AGPAT3: variants seen among roughly 807,000 people sequenced by gnomAD.
AGPAT3 encodes the protein 1-acylglycerol-3-phosphate O-acyltransferase 3.
Under a neutral mutation model 47.3 loss-of-function variants are expected in AGPAT3, and 5 were observed. That is an observed-to-expected ratio of 0.11 (90% CI 0.06 to 0.22). AGPAT3 has a LOEUF of 0.22. Ranked by LOEUF, AGPAT3 falls within the 10% of genes least tolerant of loss-of-function variation. The pLI is 1.00. For missense variants in AGPAT3, 315 were observed against 493.0 expected (o/e 0.64, Z 3.42); for synonymous variants, 212 against 208.3 (o/e 1.02, Z -0.15).
At chr21:43,868,809 C>G (rs2085562628) in intron 1 of AGPAT3, among the ~76,000 whole-genome samples, 1 of 152,322 alleles carries the variant, frequency 6.6e-6, no homozygotes, top group African/African-American at 2.4e-5. Context: ...CTCTACATCC[C>G]TGTAAGGAGA....
At chr21:43,907,001 G>A (rs2086514022) in intron 2 of AGPAT3, among the ~76,000 whole-genome samples, 1 of 152,088 alleles carries the variant, frequency 6.6e-6, no homozygotes, top group Non-Finnish European at 1.5e-5. Context: ...GGGCTTCAGG[G>A]GCTGGCGAGG....
rs1049886622 is a variant in AGPAT3 at position 43,934,093 on chromosome 21, TTGG to T, written c.-48-25540_-48-25538del. 6.6e-6 allele frequency among the ~76,000 whole-genome samples: 1 copy of T among 152,176 alleles called. No homozygotes were observed. The highest frequency in any genetic ancestry group is 1.5e-5 in the Non-Finnish European group (1 of 68,018). The stretch of plus-strand genomic sequence containing the variant: ...CCCTACATTGCTCATCCTTGGTAGT[TTGG>T]GTGATGAGGTTTTGAGACCTGGATG... On this transcript the variant is annotated intron_variant, in intron 2 of 9. Coordinates refer to ENST00000291572, the MANE Select transcript of AGPAT3 (RefSeq NM_020132.5). The surrounding 1 kb of genome is among the most constrained non-coding windows in gnomAD (Gnocchi z 4.7).
chr21:43,915,019 C>T (rs1383009616), intron 2 of AGPAT3, among the ~76,000 whole-genome samples: 1 of 152,048 alleles, frequency 6.6e-6, no homozygotes, highest in Non-Finnish European at 1.5e-5. Context: ...GCAATTATTT[C>T]TGTGAGTTTT....
chr21:43,978,028 A>G lies in AGPAT3; in HGVS notation c.768-18A>G, dbSNP rs554919809. On this transcript the variant is annotated intron_variant, in intron 7 of 9. Coordinates refer to ENST00000291572, the MANE Select transcript of AGPAT3 (RefSeq NM_020132.5). The stretch of plus-strand genomic sequence containing the variant: ...CATGTGGTGATTCACCCTACCTTGA[A>G]TCTTCTTCATAAAACAGGAGATTTC... 1.2e-6 allele frequency: 2 copies of G among 1,607,260 alleles called. No homozygotes were observed. The highest frequency in any genetic ancestry group is 8.5e-7 in the Non-Finnish European group (1 of 1,175,668).
In AGPAT3 at chr21:43,920,901, A is replaced by G. The variant is rs2086877112; in HGVS notation, c.-49+16882A>G. Among the ~76,000 whole-genome samples the G allele has an allele frequency of 1.3e-5, 2 of 151,876 alleles. No individual in the cohort carries two copies. The highest frequency in any genetic ancestry group is 1.9e-4 in the East Asian group (1 of 5,190). ...AGCACTTTGGGAGGCTGAGGCGGGC[A>G]GATCACGAGGTCAGGAGATCAAGAC... On this transcript the variant is annotated intron_variant, in intron 2 of 9. Coordinates refer to ENST00000291572, the MANE Select transcript of AGPAT3 (RefSeq NM_020132.5). The surrounding 1 kb of genome is among the most constrained non-coding windows in gnomAD (Gnocchi z 6.1).
chr21:43,938,242 C>T (rs1319250329), intron 2 of AGPAT3, among the ~76,000 whole-genome samples: 4 of 151,076 alleles, frequency 2.6e-5, no homozygotes, highest in East Asian at 1.9e-4. Context: ...TAGTTAACAT[C>T]GCTCATTGGG....
In AGPAT3 at chr21:43,940,924, G is replaced by A. The variant is rs566365279; in HGVS notation, c.-48-18710G>A. 7.2e-5 allele frequency among the ~76,000 whole-genome samples: 11 copies of A among 152,348 alleles called. No individual in the cohort carries two copies. In the East Asian group the frequency reaches 1.3e-3, roughly 19 times the overall value. On this transcript the variant is annotated intron_variant, in intron 2 of 9. Transcript: ENST00000291572. The stretch of plus-strand genomic sequence containing the variant: ...ATTTCAGAGACTCGGTCCCAACCCC[G>A]CTGTGTCTCCGGGCTGGGATTAGAT...
Position 43,982,367 on chromosome 21 carries a change from A to G in AGPAT3, c.1106A>G (p.Asn369Ser). 1 of 1,613,974 alleles carries G rather than the reference A, an allele frequency of 6.2e-7. No homozygotes were observed. The highest frequency in any genetic ancestry group is 8.5e-7 in the Non-Finnish European group (1 of 1,179,838). Residue 369 changes from asparagine to serine, a missense_variant, in exon 10 of 10, where the codon AAC (asparagine) becomes AGC (serine). Coordinates refer to ENST00000291572, the MANE Select transcript of AGPAT3 (RefSeq NM_020132.5). The surrounding 1 kb of genome is among the most constrained non-coding windows in gnomAD (Gnocchi z 6.2). ...TEIEKGSSYG[N>S]QEFKKKE The stretch of plus-strand genomic sequence containing the variant: ...ATAGAAAAAGGCTCCAGCTACGGAA[A>G]CCAAGAGTTTAAGAAAAAGGAATAA...
chr21:43,909,283 T>A (rs896192942), intron 2 of AGPAT3, among the ~76,000 whole-genome samples: 3 of 145,572 alleles, frequency 2.1e-5, no homozygotes, highest in African/African-American at 7.9e-5. Context: ...CCACTCATTT[T>A]TCATACACAT....
Position 43,981,257 on chromosome 21 carries a change from C to T in AGPAT3, c.1042+70C>T, listed in dbSNP as rs1343446123. On this transcript the variant is annotated intron_variant, in intron 9 of 9. Transcript: ENST00000291572. This position sits in a 1 kb window ranked among gnomAD's most constrained non-coding sequence, Gnocchi z 5.3. ...CAGTATCAGCCACAGGGTCCGGGAC[C>T]TGGTGACTCATCACAGTGGCTGTGG... 1 of 1,530,126 alleles carries T rather than the reference C, an allele frequency of 6.5e-7. No individual in the cohort carries two copies. The highest frequency in any genetic ancestry group is 1.4e-5 in the African/African-American group (1 of 73,268). The allele number at this position is 1,530,126 out of a possible 1,614,324, so 94.8% of individuals were successfully genotyped here. A position where few individuals can be genotyped will look rare whatever the true frequency, so the allele number is the denominator to read the frequency against.
Position 43,934,337 on chromosome 21 carries a change from C to G in AGPAT3, c.-48-25297C>G, listed in dbSNP as rs538484481. ...GGAGGGGCCTCCAGGCCTCGTCTTCCTTCACTGTGCCCATGCTCAGAGATG... is the reference window on the plus strand; with the variant it reads ...GGAGGGGCCTCCAGGCCTCGTCTTCGTTCACTGTGCCCATGCTCAGAGATG... On this transcript the variant is annotated intron_variant, in intron 2 of 9. Transcript: ENST00000291572. The surrounding 1 kb of genome is among the most constrained non-coding windows in gnomAD (Gnocchi z 4.7). 2.6e-5 allele frequency among the ~76,000 whole-genome samples: 4 copies of G among 152,368 alleles called. No individual in the cohort carries two copies. The East Asian group carries it at 7.7e-4, about 29-fold the overall frequency.
chr21:43,892,489 G>T (rs2086123745), intron 1 of AGPAT3, among the ~76,000 whole-genome samples: 1 of 152,150 alleles, frequency 6.6e-6, no homozygotes, highest in Non-Finnish European at 1.5e-5. Flanking sequence ...TTCCTGAGCA[G>T]TAGGTCTCAA....
Position 43,985,395 on chromosome 21 carries a change from TG to T in AGPAT3, c.*3004del. 2 of 299,080 alleles carry T rather than the reference TG, an allele frequency of 6.7e-6. No individual in the cohort carries two copies. Among genetic ancestry groups the T allele is most frequent in the Non-Finnish European group, 6.5e-6 (1 of 153,356 alleles). The allele number at this position is 299,080 out of a possible 1,614,324, so 18.5% of individuals were successfully genotyped here. On this transcript the variant is annotated 3_prime_UTR_variant, in exon 10 of 10. Coordinates refer to ENST00000291572, the MANE Select transcript of AGPAT3 (RefSeq NM_020132.5). ...CAACAATGTAAGCAGCACTTTCTTG[TG>T]TAAAAAAAAAAAAAAAGCACGTCCT...
intron 4 of AGPAT3, 133 bp downstream of exon 4, chr21:43,968,248 A>T: frequency 8.7e-6 from 3 of 345,162 alleles, no homozygotes; most frequent in East Asian, 1.4e-4. Flanking sequence ...GGTGACTGGG[A>T]GTGAGCTGGG....
intron 7 of AGPAT3, among the ~76,000 whole-genome samples, chr21:43,973,121 G>T (rs1177627334): frequency 6.6e-6 from 1 of 152,256 alleles, no homozygotes; most frequent in African/African-American, 2.4e-5. Context: ...ACATAAGCTA[G>T]GTAACACTCC....
chr21:43,967,686 G>A (rs1459376280), intron 3 of AGPAT3: 1 of 450,236 alleles, frequency 2.2e-6, no homozygotes, highest in South Asian at 3.2e-5. Flanking sequence ...AAGCGTAATT[G>A]GGCGTAAAGA....
intron 1 of AGPAT3, among the ~76,000 whole-genome samples, chr21:43,870,485 G>A (rs2085601179): frequency 1.3e-5 from 2 of 151,876 alleles, no homozygotes; most frequent in South Asian, 4.2e-4. Flanking sequence ...GCTGAGGCAC[G>A]TGGATCACTT....
chr21:43,971,394 C>T lies in AGPAT3; in HGVS notation c.671C>T (p.Ala224Val). ...AVKCLRGTVA[A>V]VYDVTLNFRG... ...CTCCCGTCTCCTCCCACAGTCGCAG[C>T]TGTCTATGATGTAACCCTGAACTTC... The change falls in exon 7 of 10, where the codon GCT (alanine) becomes GTT (valine). Residue 224 changes from alanine (A) to valine (V), a missense_variant. Ala to Val is a moderately conservative substitution (Grantham distance 64). Coordinates refer to ENST00000291572, the MANE Select transcript of AGPAT3 (RefSeq NM_020132.5). 1 of 1,614,118 alleles carries T rather than the reference C, an allele frequency of 6.2e-7. No individual in the cohort carries two copies.
intron 1 of AGPAT3, among the ~76,000 whole-genome samples, chr21:43,883,397 A>G (rs1203168030): frequency 6.6e-6 from 1 of 152,178 alleles, no homozygotes; most frequent in Admixed American, 6.5e-5. Flanking sequence ...TCTCCAGTTT[A>G]CAAGTAGGAG....
Sources: gnomAD v4.1 joint callset for allele counts (sites outside exome capture counted in the v4.1 genomes callset) on GRCh38, gnomAD v4.1.1 for gene constraint, Gnocchi (gnomAD v3.1) non-coding constraint, MANE v1.5 for transcripts, NCBI Gene and HGNC (gene_info 2026-07-23, HGNC 2026-07-21) for gene names.